Variants in BMP5 observed in about 807,000 individuals in gnomAD.
BMP5 encodes bone morphogenetic protein 5.
BMP5 carries 23 observed loss-of-function variants against 46.6 expected under a neutral mutation model. That is an observed-to-expected ratio of 0.49 (90% CI 0.35 to 0.70). The LOEUF is 0.70. Among genes scored for constraint, BMP5 ranks in the 30% least tolerant of loss-of-function variants. The pLI, the probability that BMP5 is intolerant of heterozygous loss-of-function variation, is 0.00. For synonymous variants in BMP5, 204 were observed against 191.9 expected (o/e 1.06, Z -0.52); for missense variants, 545 against 565.6 (o/e 0.96, Z 0.37).
intron 1 of BMP5, among the ~76,000 whole-genome samples, chr6:55,820,498 G>A (rs938772112): frequency 2.0e-5 from 3 of 151,850 alleles, no homozygotes; most frequent in Non-Finnish European, 1.5e-5. Context: ...GCTCACTGAC[G>A]CCTGGACCTC....
chr6:55,828,064 A>G (rs1223693268), intron 1 of BMP5, among the ~76,000 whole-genome samples: 1 of 151,898 alleles, frequency 6.6e-6, no homozygotes, highest in Non-Finnish European at 1.5e-5. Context: ...CTTCTGCTCC[A>G]TCAGTAAAAT....
chr6:55,814,661 T>G (rs1776212304), intron 2 of BMP5, among the ~76,000 whole-genome samples: 1 of 152,198 alleles, frequency 6.6e-6, no homozygotes. Flanking sequence ...ACATCTTTCT[T>G]TGGAAGAAAA....
intron 1 of BMP5, among the ~76,000 whole-genome samples, chr6:55,829,568 A>G (rs1776614950): frequency 6.6e-6 from 1 of 151,870 alleles, no homozygotes; most frequent in African/African-American, 2.4e-5. Flanking sequence ...CAGAATCCTA[A>G]TGTCACACAT....
Position 55,755,475 on chromosome 6 carries a change from T to C in BMP5, c.*58A>G. 3 of 1,524,300 alleles carry C rather than the reference T, an allele frequency of 2.0e-6. No homozygotes were observed. The highest frequency in any genetic ancestry group is 1.2e-5 in the South Asian group (1 of 85,176). 94.4% of individuals were successfully genotyped at this position (1,524,300 alleles called of 1,614,324 possible). A position where few individuals can be genotyped will look rare whatever the true frequency, so the allele number is the denominator to read the frequency against. On this transcript the variant is annotated 3_prime_UTR_variant, in exon 7 of 7. Coordinates refer to ENST00000370830, the MANE Select transcript of BMP5 (RefSeq NM_021073.4). ...CCCCGTTTGTCTGAAAGTATGCTTT[T>C]TATTGCAGCCATAAACCTTAATACA...
At chr6:55,871,384 T>C (rs1348180845) in intron 1 of BMP5, among the ~76,000 whole-genome samples, 1 of 151,910 alleles carries the variant, frequency 6.6e-6, no homozygotes, top group African/African-American at 2.4e-5. Context: ...CTAAGAATAA[T>C]GAATATGATC....
intron 1 of BMP5, among the ~76,000 whole-genome samples, chr6:55,859,734 T>G (rs1049707170): frequency 2.0e-5 from 3 of 152,186 alleles, no homozygotes; most frequent in African/African-American, 7.2e-5. Context: ...TATCATAACG[T>G]TCTGTTTGCT....
At chr6:55,780,569 T>C (rs1241192456) in intron 3 of BMP5, among the ~76,000 whole-genome samples, 2 of 151,828 alleles carry the variant, frequency 1.3e-5, no homozygotes, top group African/African-American at 4.8e-5. Flanking sequence ...TTTGGGTATG[T>C]TAGGGATAAA....
intron 1 of BMP5, among the ~76,000 whole-genome samples, chr6:55,843,750 G>A (rs1363605388): frequency 6.6e-6 from 1 of 151,986 alleles, no homozygotes; most frequent in Non-Finnish European, 1.5e-5. Context: ...AATTTGTGCT[G>A]AATAAGTTAA....
chr6:55,781,562 GTATC>G (rs1775317946), intron 3 of BMP5, among the ~76,000 whole-genome samples: 1 of 151,288 alleles, frequency 6.6e-6, no homozygotes, highest in African/African-American at 2.4e-5. Flanking sequence ...AACTTACTGA[GTATC>G]TAAAGGAGAT....
At chr6:55,808,880 C>A (rs1165867695) in intron 2 of BMP5, among the ~76,000 whole-genome samples, 3 of 152,136 alleles carry the variant, frequency 2.0e-5, no homozygotes, top group Non-Finnish European at 2.9e-5. Context: ...TCAATGGGAG[C>A]CTCCTATCGC....
chr6:55,832,921 T>G (rs2127542739), intron 1 of BMP5, among the ~76,000 whole-genome samples: 1 of 151,888 alleles, frequency 6.6e-6, no homozygotes, highest in Non-Finnish European at 1.5e-5. Flanking sequence ...GACCAGCTTG[T>G]GCAACATAGC....
At chr6:55,857,748 G>T (rs1406265155) in intron 1 of BMP5, among the ~76,000 whole-genome samples, 2 of 151,928 alleles carry the variant, frequency 1.3e-5, no homozygotes, top group South Asian at 2.1e-4. Context: ...TTTATTTTTG[G>T]TTTTTTTGAG....
intron 2 of BMP5, among the ~76,000 whole-genome samples, chr6:55,795,743 T>A (rs1775696155): frequency 6.6e-6 from 1 of 152,164 alleles, no homozygotes. Context: ...AATCTAAATA[T>A]CCTAATACAA....
intron 2 of BMP5, among the ~76,000 whole-genome samples, chr6:55,794,725 T>A (rs1456340745): frequency 6.6e-6 from 1 of 152,162 alleles, no homozygotes; most frequent in Non-Finnish European, 1.5e-5. Flanking sequence ...GTCATCAGTG[T>A]TCCCGGTAAC....
At chr6:55,871,977 A>T (rs1306411723) in intron 1 of BMP5, among the ~76,000 whole-genome samples, 2 of 151,880 alleles carry the variant, frequency 1.3e-5, no homozygotes, top group East Asian at 3.9e-4. Context: ...AAGAACATGA[A>T]ATAAACTACA....
rs773011154 is a variant in BMP5, at chr6:55,755,335, T to G, written c.*198A>C. ...GTAGTGGCCTATGAAATAGATTTTATTGATAAAGCCTCCACAGAAGAGAAT... is the reference window on the plus strand; with the variant it reads ...GTAGTGGCCTATGAAATAGATTTTAGTGATAAAGCCTCCACAGAAGAGAAT... On this transcript the variant is annotated 3_prime_UTR_variant, in exon 7 of 7. Transcript: ENST00000370830. 1.9e-6 allele frequency: 1 copy of G among 536,862 alleles called. No individual in the cohort carries two copies. The highest frequency in any genetic ancestry group is 3.3e-6 in the Non-Finnish European group (1 of 304,090). The allele number at this position is 536,862 out of a possible 1,614,324, so 33.3% of individuals were successfully genotyped here.
intron 1 of BMP5, among the ~76,000 whole-genome samples, chr6:55,834,818 C>T (rs1023221249): frequency 1.5e-4 from 23 of 152,216 alleles, no homozygotes; most frequent in African/African-American, 5.1e-4. Flanking sequence ...CAGCGGCTCA[C>T]GCCTGTAATC....
intron 2 of BMP5, among the ~76,000 whole-genome samples, chr6:55,816,031 C>A (rs1365217802): frequency 6.6e-6 from 1 of 151,824 alleles, no homozygotes; most frequent in African/African-American, 2.4e-5. Flanking sequence ...TAAAATTCTG[C>A]AATTAAATAC....
At chr6:55,826,774 C>T (rs887185295) in intron 1 of BMP5, among the ~76,000 whole-genome samples, 3 of 151,390 alleles carry the variant, frequency 2.0e-5, no homozygotes, top group Non-Finnish European at 4.4e-5. Context: ...TTTGTTTCTT[C>T]CCTAATTTGA....
Sources: allele counts gnomAD v4.1 joint callset (sites outside exome capture counted in the v4.1 genomes callset), GRCh38; gene constraint gnomAD v4.1.1; transcripts MANE v1.5; gene names NCBI Gene and HGNC (gene_info 2026-07-23, HGNC 2026-07-21).